Variants in MGMT observed in about 807,000 individuals in gnomAD.
MGMT encodes methylated-DNA--protein-cysteine methyltransferase.
MGMT carries 14 observed loss-of-function variants against 15.9 expected under a neutral mutation model. The ratio of observed to expected loss-of-function variants is 0.88; its 90% CI spans 0.58 to 1.37. The LOEUF is 1.37. Ranked by LOEUF, MGMT falls within the 40% of genes most tolerant of loss-of-function variation. The pLI is 0.00. For synonymous variants in MGMT, 130 were observed against 118.2 expected (o/e 1.10, Z -0.65); for missense variants, 282 against 268.1 (o/e 1.05, Z -0.36).
intron 2 of MGMT, among the ~76,000 whole-genome samples, chr10:129,620,522 C>G (rs1211449602): frequency 6.6e-6 from 1 of 152,188 alleles, no homozygotes; most frequent in African/African-American, 2.4e-5. Flanking sequence ...TAGTAGGTGC[C>G]TAATCACATG....
chr10:129,754,012 T>C (rs978884386), intron 3 of MGMT, among the ~76,000 whole-genome samples: 3 of 152,216 alleles, frequency 2.0e-5, no homozygotes, highest in Admixed American at 6.5e-5. Flanking sequence ...TTCAAACCCT[T>C]TTCCGTCCTC....
chr10:129,657,682 C>CACACAA (rs1343269076), intron 2 of MGMT, among the ~76,000 whole-genome samples: 21 of 136,018 alleles, frequency 1.5e-4, no homozygotes, highest in African/African-American at 6.2e-4. Context: ...CCAACACACA[C>CACACAA]ACACACACAC....
intron 1 of MGMT, among the ~76,000 whole-genome samples, chr10:129,492,210 C>T (rs540472789): frequency 9.2e-5 from 14 of 152,088 alleles, no homozygotes; most frequent in Non-Finnish European, 1.6e-4. Context: ...TTGGACCTTC[C>T]CTTTGAGCAT....
intron 2 of MGMT, among the ~76,000 whole-genome samples, chr10:129,560,931 T>C (rs1454202612): frequency 6.6e-6 from 1 of 151,320 alleles, no homozygotes; most frequent in Non-Finnish European, 1.5e-5. Context: ...ACATTTTCTC[T>C]CCAGCTGAAT....
chr10:129,746,251 AAAAAC>A (rs1423417632), intron 3 of MGMT, among the ~76,000 whole-genome samples: 7 of 148,244 alleles, frequency 4.7e-5, no homozygotes, highest in East Asian at 2.0e-4. Flanking sequence ...AAAAAAAAAA[AAAAAC>A]AAACAAAAAA....
intron 2 of MGMT, among the ~76,000 whole-genome samples, chr10:129,643,375 G>GT (rs769831118): frequency 2.6e-4 from 39 of 152,208 alleles, no homozygotes; most frequent in Non-Finnish European, 1.8e-4. Flanking sequence ...AGTTGCAGTG[G>GT]TTTTGAGTTT....
chr10:129,674,934 C>T (rs1013049204), intron 2 of MGMT, among the ~76,000 whole-genome samples: 3 of 152,194 alleles, frequency 2.0e-5, no homozygotes, highest in South Asian at 2.1e-4. Flanking sequence ...GTGGCTCAGT[C>T]GTAGCTGAGA....
chr10:129,667,661 C>T lies in MGMT; in HGVS notation c.126-40234C>T, dbSNP rs569346933. Reference sequence around the variant, plus strand: ...CCTAGTTCCAGACTCACTGGTTATACGGTATGGATGTAATTATTGTTAGTT... The same window carrying T: ...CCTAGTTCCAGACTCACTGGTTATATGGTATGGATGTAATTATTGTTAGTT... On this transcript the variant is annotated intron_variant, in intron 2 of 4. Transcript: ENST00000651593. Among the ~76,000 whole-genome samples, 32 of 152,278 alleles carry T rather than the reference C, an allele frequency of 2.1e-4. No homozygotes were observed. In the East Asian group the frequency reaches 3.5e-3, roughly 17 times the overall value.
At chr10:129,534,079 G>C (rs139274588) in intron 1 of MGMT, among the ~76,000 whole-genome samples, 1 of 152,186 alleles carries the variant, frequency 6.6e-6, no homozygotes, top group African/African-American at 2.4e-5. Flanking sequence ...AACTCGTGCC[G>C]ACGTTGTGAT....
Position 129,617,769 on chromosome 10 carries a change from T to A in MGMT, c.125+81392T>A, listed in dbSNP as rs539484643. ...TGTTCATGTCCTTTGCCCACTTTTT[T>A]TTTACAGAGTTGATTGTTTTTTGCT... On this transcript the variant is annotated intron_variant, in intron 2 of 4. Coordinates refer to ENST00000651593, the MANE Select transcript of MGMT (RefSeq NM_002412.5). Among the ~76,000 whole-genome samples the A allele has an allele frequency of 2.0e-5, 3 of 152,306 alleles. No homozygotes were observed. In the East Asian group the frequency reaches 5.8e-4, roughly 29 times the overall value.
At chr10:129,631,311 A>G (rs1847207246) in intron 2 of MGMT, among the ~76,000 whole-genome samples, 2 of 152,232 alleles carry the variant, frequency 1.3e-5, no homozygotes, top group South Asian at 4.1e-4. Context: ...AGAGCCAAAT[A>G]GTAATTTGTT....
At chr10:129,558,439 T>C (rs1270247774) in intron 2 of MGMT, among the ~76,000 whole-genome samples, 1 of 152,214 alleles carries the variant, frequency 6.6e-6, no homozygotes, top group Non-Finnish European at 1.5e-5. Context: ...TTTATGGCCT[T>C]TCTTTGGGAT....
chr10:129,528,628 C>G (rs914736308), intron 1 of MGMT, among the ~76,000 whole-genome samples: 3 of 149,376 alleles, frequency 2.0e-5, no homozygotes, highest in African/African-American at 7.5e-5. Context: ...CCAAAGAGAC[C>G]TGCCGTGTGG....
chr10:129,671,563 A>G (rs1465208463), intron 2 of MGMT, among the ~76,000 whole-genome samples: 1 of 152,214 alleles, frequency 6.6e-6, no homozygotes, highest in African/African-American at 2.4e-5. Flanking sequence ...AAAACACAAT[A>G]TATTTACTAT....
intron 2 of MGMT, among the ~76,000 whole-genome samples, chr10:129,611,629 A>G (rs1011598377): frequency 2.6e-5 from 4 of 152,156 alleles, no homozygotes; most frequent in African/African-American, 9.7e-5. Context: ...ATTATGACCT[A>G]GTTGCAGTTG....
At chr10:129,621,750 C>T (rs1276298515) in intron 2 of MGMT, among the ~76,000 whole-genome samples, 3 of 152,150 alleles carry the variant, frequency 2.0e-5, no homozygotes, top group Non-Finnish European at 4.4e-5. Context: ...ACATCCTTGC[C>T]ACCTTTCCTA....
At chr10:129,599,926 A>G (rs763840648) in intron 2 of MGMT, among the ~76,000 whole-genome samples, 4 of 152,234 alleles carry the variant, frequency 2.6e-5, no homozygotes, top group Non-Finnish European at 4.4e-5. Flanking sequence ...ACGTTTGCAC[A>G]CTAATGTACA....
intron 2 of MGMT, among the ~76,000 whole-genome samples, chr10:129,650,686 G>A (rs540248396): frequency 2.0e-5 from 3 of 152,316 alleles, no homozygotes; most frequent in East Asian, 1.9e-4. Flanking sequence ...CGAGGAGCAC[G>A]TCTTTCCTTG....
chr10:129,493,689 G>T (rs7924127), intron 1 of MGMT, among the ~76,000 whole-genome samples: 1 of 152,114 alleles, frequency 6.6e-6, no homozygotes, highest in African/African-American at 2.4e-5. Flanking sequence ...GTCACTGTGC[G>T]CCAGGCCCAG....
Sources: gnomAD v4.1 joint callset for allele counts (sites outside exome capture counted in the v4.1 genomes callset) on GRCh38, gnomAD v4.1.1 for gene constraint, MANE v1.5 for transcripts, NCBI Gene and HGNC (gene_info 2026-07-23, HGNC 2026-07-21) for gene names.